Variants in ASXL3 observed in about 807,000 individuals in gnomAD.
The protein encoded by ASXL3 is putative Polycomb group protein ASXL3.
A neutral mutation model predicts 170.6 loss-of-function variants in ASXL3; 34 were observed. That is an observed-to-expected ratio of 0.20 (90% confidence interval 0.15 to 0.27). The LOEUF is 0.27. Ranked by LOEUF, ASXL3 falls within the 10% of genes least tolerant of loss-of-function variation. The pLI is 1.00. For missense variants in ASXL3, 2,592 were observed against 2,695.3 expected (o/e 0.96, Z 0.85); for synonymous variants, 1,002 against 989.1 (o/e 1.01, Z -0.24).
At chr18:33,594,268 T>TA (rs2065105098) in intron 1 of ASXL3, among the ~76,000 whole-genome samples, 1 of 152,220 alleles carries the variant, frequency 6.6e-6, no homozygotes, top group South Asian at 2.1e-4. Flanking sequence ...TAGGGTTGGC[T>TA]AAAGGTAACT....
rs1472906822 is a variant in ASXL3, at chr18:33,743,275, G to A, written c.3427G>A (p.Glu1143Lys). ...CTCAAAGGAAGGGCCTCCAAACTTAGAAGTCTCTTCTACCCCTGAAACAAA... is the reference window on the plus strand; with the variant it reads ...CTCAAAGGAAGGGCCTCCAAACTTAAAAGTCTCTTCTACCCCTGAAACAAA... ...LSSKEGPPNL[E>K]VSSTPETKME... Residue 1143 changes from glutamate (E) to lysine (K), a missense_variant, in exon 12 of 12, where the codon GAA becomes AAA. By Grantham distance (56) the Glu-to-Lys change is moderately conservative. Around this residue, in one of 4 missense-constraint regions of ASXL3, gnomAD observed 2,246 missense variants for 2,219.6 expected, o/e 1.01. Transcript: ENST00000269197. 2 of 1,613,766 alleles carry A rather than the reference G, an allele frequency of 1.2e-6. No individual in the cohort carries two copies. Among genetic ancestry groups the A allele is most frequent in the African/African-American group, 2.7e-5 (2 of 74,922 alleles).
chr18:33,664,715 G>A (rs763391323), intron 5 of ASXL3, among the ~76,000 whole-genome samples: 1 of 152,172 alleles, frequency 6.6e-6, no homozygotes, highest in African/African-American at 2.4e-5. Context: ...CCTAAAGCAT[G>A]TTGCTACAGA....
intron 2 of ASXL3, among the ~76,000 whole-genome samples, chr18:33,623,305 C>T (rs999330907): frequency 3.9e-5 from 6 of 152,144 alleles, no homozygotes; most frequent in African/African-American, 1.2e-4. Flanking sequence ...GTAGAGTTCA[C>T]GTCTCATTGA....
intron 8 of ASXL3, 84 bp downstream of exon 8, chr18:33,683,652 A>G: frequency 7.7e-7 from 1 of 1,299,158 alleles, no homozygotes; most frequent in East Asian, 2.4e-5. Flanking sequence ...GATGACTTAT[A>G]TATGGATATA....
At chr18:33,617,294 C>T (rs1162897180) in intron 2 of ASXL3, among the ~76,000 whole-genome samples, 1 of 152,006 alleles carries the variant, frequency 6.6e-6, no homozygotes, top group African/African-American at 2.4e-5. Context: ...GCCTTCAAGA[C>T]CAGCCTGGCC....
intron 2 of ASXL3, among the ~76,000 whole-genome samples, chr18:33,613,837 A>G (rs1372061500): frequency 6.6e-6 from 1 of 152,104 alleles, no homozygotes; most frequent in Non-Finnish European, 1.5e-5. Flanking sequence ...AAGCAGGAGG[A>G]TCACTTGAGC....
chr18:33,609,892 C>G (rs2065307718), intron 2 of ASXL3, among the ~76,000 whole-genome samples: 1 of 151,974 alleles, frequency 6.6e-6, no homozygotes. Flanking sequence ...TTTTGTGCTC[C>G]CATTTGTTTT....
At chr18:33,694,842 C>G (rs1267383358) in intron 8 of ASXL3, among the ~76,000 whole-genome samples, 1 of 152,070 alleles carries the variant, frequency 6.6e-6, no homozygotes, top group Non-Finnish European at 1.5e-5. Flanking sequence ...TAAAATGGAA[C>G]ATTTACACAG....
intron 10 of ASXL3, among the ~76,000 whole-genome samples, chr18:33,736,060 T>G (rs1042252590): frequency 6.6e-6 from 1 of 152,226 alleles, no homozygotes; most frequent in African/African-American, 2.4e-5. Context: ...TCATAATTTT[T>G]TTAACTTAGG....
intron 7 of ASXL3, among the ~76,000 whole-genome samples, chr18:33,681,160 T>C (rs2066507930): frequency 6.6e-6 from 1 of 152,136 alleles, no homozygotes; most frequent in South Asian, 2.1e-4. Flanking sequence ...CATCTTACCA[T>C]GTTGCATACA....
At chr18:33,588,016 T>C (rs900866403) in intron 1 of ASXL3, among the ~76,000 whole-genome samples, 1 of 151,914 alleles carries the variant, frequency 6.6e-6, no homozygotes, top group African/African-American at 2.4e-5. Context: ...TAATAGTCTG[T>C]CTTAATGTTT....
chr18:33,670,580 T>G (rs1220190237), intron 5 of ASXL3, 93 bp from the exon 6 acceptor site: 7 of 890,608 alleles, frequency 7.9e-6, no homozygotes, highest in Admixed American at 5.8e-5. Flanking sequence ...TAAGAGGTTC[T>G]ATGTAATGAT....
intron 1 of ASXL3, among the ~76,000 whole-genome samples, chr18:33,601,263 G>A (rs2065179963): frequency 6.6e-6 from 1 of 151,798 alleles, no homozygotes; most frequent in Admixed American, 6.6e-5. Context: ...TGTTCAAAGG[G>A]GCCAGCTTTT....
intron 4 of ASXL3, among the ~76,000 whole-genome samples, chr18:33,654,302 A>T (rs2066048133): frequency 1.3e-5 from 2 of 152,014 alleles, no homozygotes; most frequent in African/African-American, 4.8e-5. Context: ...ACACATCTTA[A>T]CTAGCCAATT....
chr18:33,610,986 A>G (rs1180127802), intron 2 of ASXL3, among the ~76,000 whole-genome samples: 1 of 152,024 alleles, frequency 6.6e-6, no homozygotes, highest in Non-Finnish European at 1.5e-5. Context: ...TAATAGAAAA[A>G]CTACATTATA....
chr18:33,622,866 A>G (rs2065537060), intron 2 of ASXL3, among the ~76,000 whole-genome samples: 1 of 152,192 alleles, frequency 6.6e-6, no homozygotes, highest in Non-Finnish European at 1.5e-5. Flanking sequence ...ATGTTCCAAG[A>G]TAAAAAGTGG....
intron 8 of ASXL3, among the ~76,000 whole-genome samples, chr18:33,711,348 A>C (rs62092430): frequency 0.079 from 12,078 of 152,206 alleles, 525 homozygotes; most frequent in African/African-American, 0.084. Flanking sequence ...ATTTTGTGCA[A>C]TATGCCTTAA....
intron 2 of ASXL3, among the ~76,000 whole-genome samples, chr18:33,636,585 G>A (rs1453647425): frequency 6.6e-6 from 1 of 152,114 alleles, no homozygotes; most frequent in East Asian, 1.9e-4. Context: ...TAAGGTTTCA[G>A]GTGAACGTAG....
At chr18:33,583,794 T>G (rs2065012763) in intron 1 of ASXL3, among the ~76,000 whole-genome samples, 3 of 152,172 alleles carry the variant, frequency 2.0e-5, no homozygotes, top group Non-Finnish European at 1.5e-5. Context: ...AAAAGTTAAC[T>G]GATAGAGGAA....
Sources: allele counts gnomAD v4.1 joint callset (sites outside exome capture counted in the v4.1 genomes callset), GRCh38; gene constraint gnomAD v4.1.1; regional missense constraint gnomAD v4.1.1; transcripts MANE v1.5; gene names NCBI Gene and HGNC (gene_info 2026-07-23, HGNC 2026-07-21).